The following PCDH1 variants were observed in gnomAD, a reference collection of about 807,000 sequenced individuals.
PCDH1 encodes protocadherin-1.
PCDH1 carries 23 observed loss-of-function variants against 74.6 expected under a neutral mutation model. The ratio of observed to expected loss-of-function variants is 0.31; its 90% CI spans 0.22 to 0.44. The LOEUF (loss-of-function observed/expected upper bound fraction) is 0.44, where lower values mean the gene tolerates loss of function less well. Ranked by LOEUF, PCDH1 falls within the 20% of genes least tolerant of loss-of-function variation. The pLI is 1.00. For synonymous variants in PCDH1, 647 were observed against 686.1 expected, an observed-to-expected ratio of 0.94 and a Z score of 0.89; for missense variants, 1,214 against 1,641.4, an observed-to-expected ratio of 0.74 and a Z score of 4.50.
rs186752735 is a variant in PCDH1, at chr5:141,872,849, G to A, written c.41-3418C>T. 5.9e-3 allele frequency among the ~76,000 whole-genome samples: 897 copies of A among 152,316 alleles called. 10 individuals carry two copies. Among genetic ancestry groups the A allele is most frequent in the African/African-American group, 0.02 (847 of 41,558 alleles). On this transcript the variant is annotated intron_variant, in intron 1 of 4. Coordinates refer to ENST00000287008, the MANE Select transcript of PCDH1 (RefSeq NM_032420.5). ...CAGCTCAAGGAAGGTATGGGATGGC[G>A]GGGCTGGGGAAAGGTCCCAGAAAGT... is the stretch of plus-strand genomic sequence containing the variant.
intron 1 of PCDH1, among the ~76,000 whole-genome samples, chr5:141,877,790 G>C (rs1322786779): frequency 6.6e-6 from 1 of 152,200 alleles, no homozygotes; most frequent in East Asian, 1.9e-4. Flanking sequence ...GGCTGAGTGA[G>C]CCGAGGTAGT....
rs375906339 is a variant in PCDH1 at position 141,864,444 on chromosome 5, A to G, written c.1887T>C (p.Ser629=). The part of the protein sequence containing the change: ...FSVMENMPAL[S]PVGMVTVIDG... ...CAATGACAGTCACCATGCCCACTGGACTCAGTGCTGGCATGTTCTCCATCA... is the reference window on the plus strand; with the variant it reads ...CAATGACAGTCACCATGCCCACTGGGCTCAGTGCTGGCATGTTCTCCATCA... The change falls in exon 3 of 5, where the codon AGT becomes AGC. Residue 629 remains serine, a synonymous_variant. Transcript: ENST00000287008. The surrounding 1 kb of genome is among the most constrained non-coding windows in gnomAD (Gnocchi z 5.9). The G allele has an allele frequency of 1.2e-6, 2 of 1,613,942 alleles. No homozygotes were observed. Among genetic ancestry groups the G allele is most frequent in the African/African-American group, 2.7e-5 (2 of 74,954 alleles).
chr5:141,854,597 T>G (rs1258294224), intron 4 of PCDH1, among the ~76,000 whole-genome samples, 161 bp from the exon 5 acceptor site: 1 of 152,018 alleles, frequency 6.6e-6, no homozygotes. Flanking sequence ...AAGAGACACA[T>G]GCCCTCCCAC....
rs368562035 is a variant in PCDH1 at position 141,863,251 on chromosome 5, G to A, written c.3080C>T (p.Pro1027Leu). The change falls in exon 3 of 5, where the codon CCC (proline) becomes CTC (leucine). Residue 1027 changes from proline (P) to leucine (L), a missense_variant. Coordinates refer to ENST00000287008, the MANE Select transcript of PCDH1 (RefSeq NM_032420.5). The surrounding 1 kb of genome is among the most constrained non-coding windows in gnomAD (Gnocchi z 7.5). ...YSDYSYRTNPPKYPSKQLPHR... is the reference protein window; with the variant it reads ...YSDYSYRTNPLKYPSKQLPHR... ...GCCTACCTGCTTGCTGGGGTATTTG[G>A]GGGGGTTGGTGCGGTAGCTGTAGTC... is the stretch of plus-strand genomic sequence containing the variant. The A allele has an allele frequency of 1.6e-5, 26 of 1,593,322 alleles. No homozygotes were observed. The highest frequency in any genetic ancestry group is 1.9e-5 in the Non-Finnish European group (22 of 1,169,852).
At chr5:141,857,614 A>G in intron 3 of PCDH1, 143 bp from the exon 4 acceptor site, 1 of 640,114 alleles carries the variant, frequency 1.6e-6, no homozygotes, top group Non-Finnish European at 2.6e-6. Flanking sequence ...AGCACAGCAC[A>G]TTCCTCCCGA....
At chr5:141,855,494 C>A (rs1242324641) in intron 4 of PCDH1, among the ~76,000 whole-genome samples, 1 of 152,150 alleles carries the variant, frequency 6.6e-6, no homozygotes, top group East Asian at 1.9e-4. Flanking sequence ...CTCTCCCTCT[C>A]ACACACACAG....
chr5:141,854,202 A>G lies in PCDH1; in HGVS notation c.3554T>C (p.Val1185Ala). Residue 1185 changes from valine (V) to alanine (A), a missense_variant, in exon 5 of 5, where the codon GTG becomes GCG. Val to Ala is a moderately conservative substitution (Grantham distance 64, BLOSUM62 0). This residue lies in a region of PCDH1 where 194 missense variants were observed against 198.3 expected (regional missense o/e 0.98). Coordinates refer to ENST00000287008, the MANE Select transcript of PCDH1 (RefSeq NM_032420.5). Reference protein sequence around the residue: ...PEDRNTKTAPVRLLPSYSAFS... With the variant: ...PEDRNTKTAPARLLPSYSAFS... ...GGCACTGTAGGAGGGCAGGAGGCGC[A>G]CGGGGGCCGTTTTGGTGTTCCGGTC... 6.2e-7 allele frequency: 1 copy of G among 1,610,392 alleles called. No individual in the cohort carries two copies. Among genetic ancestry groups the G allele is most frequent in the Non-Finnish European group, 8.5e-7 (1 of 1,177,742 alleles).
rs772990380 is a variant in PCDH1 at position 141,868,974 on chromosome 5, G to T, written c.498C>A (p.Pro166=). 1.9e-5 allele frequency: 30 copies of T among 1,614,110 alleles called. No individual in the cohort carries two copies. In the African/African-American group the frequency reaches 3.7e-4, roughly 20 times the overall value. ...GAGTGATGACTGGTGAGGCGAAGTT[G>T]GGTGTGTTGTCATTGATGTCTTGTA... The part of the protein sequence containing the change: ...IEVQDINDNT[P]NFASPVITLA... Residue 166 remains proline, a synonymous_variant, in exon 2 of 5, where the codon CCC becomes CCA. Coordinates refer to ENST00000287008, the MANE Select transcript of PCDH1 (RefSeq NM_032420.5). The surrounding 1 kb of genome is among the most constrained non-coding windows in gnomAD (Gnocchi z 4.8).
rs770051024 is a variant in PCDH1, at chr5:141,863,337, T to C, written c.2994A>G (p.Pro998=). ...SKKHQVVQDL[P]PANTFVGTGD... ...CGGTGCCCACGAATGTGTTTGCAGG[T>C]GGCAGGTCCTGTACCACCTGGTGCT... The change falls in exon 3 of 5, where the codon CCA becomes CCG. Residue 998 remains proline (P), a synonymous_variant. Coordinates refer to ENST00000287008, the MANE Select transcript of PCDH1 (RefSeq NM_032420.5). This position sits in a 1 kb window ranked among gnomAD's most constrained non-coding sequence, Gnocchi z 7.5. The C allele has an allele frequency of 1.3e-6, 2 of 1,545,718 alleles. No homozygotes were observed. Among genetic ancestry groups the C allele is most frequent in the Admixed American group, 3.9e-5 (2 of 51,318 alleles).
chr5:141,869,172 G>A lies in PCDH1; in HGVS notation c.300C>T (p.Arg100=), dbSNP rs369703826. Residue 100 remains arginine, a synonymous_variant, in exon 2 of 5, where the codon CGC becomes CGT. Coordinates refer to ENST00000287008, the MANE Select transcript of PCDH1 (RefSeq NM_032420.5). The surrounding 1 kb of genome is among the most constrained non-coding windows in gnomAD (Gnocchi z 4.9). The stretch of plus-strand genomic sequence containing the variant: ...AAATGTCACCTGTCTTGCCATCCAC[G>A]CGAAGGTACGGGGCACCCACCTCTA... ...YKLEVGAPYL[R]VDGKTGDIFT... is the part of the protein sequence containing the mutation. 78 of 1,613,968 alleles carry A rather than the reference G, an allele frequency of 4.8e-5. No individual in the cohort carries two copies. The highest frequency in any genetic ancestry group is 3.3e-4 in the Middle Eastern group (2 of 6,060).
At chr5:141,861,910 G>A (rs1045904077) in intron 3 of PCDH1, among the ~76,000 whole-genome samples, 3 of 152,160 alleles carry the variant, frequency 2.0e-5, no homozygotes, top group Non-Finnish European at 4.4e-5. Context: ...AGCAAGGAGT[G>A]GAAAGTGGGG....
intron 1 of PCDH1, among the ~76,000 whole-genome samples, chr5:141,873,533 G>A (rs1206235875): frequency 2.7e-5 from 4 of 148,122 alleles, no homozygotes; most frequent in East Asian, 2.0e-4. Context: ...TGCAAGCTCC[G>A]CCTGCCAGGT....
intron 2 of PCDH1, chr5:141,867,668 G>A (rs1005419759): frequency 6.9e-6 from 3 of 437,936 alleles, no homozygotes; most frequent in East Asian, 1.4e-4. Context: ...TTTGGCTTGA[G>A]GACCCAGGAC....
chr5:141,878,353 T>C lies in PCDH1; in HGVS notation c.-91A>G, dbSNP rs1168102986. 2.5e-5 allele frequency: 25 copies of C among 1,001,166 alleles called. No homozygotes were observed. Among genetic ancestry groups the C allele is most frequent in the Non-Finnish European group, 3.0e-5 (24 of 795,824 alleles). The allele number at this position is 1,001,166 out of a possible 1,614,324, so 62.0% of individuals were successfully genotyped here. A position where few individuals can be genotyped will look rare whatever the true frequency, so the allele number is the denominator to read the frequency against. On this transcript the variant is annotated 5_prime_UTR_variant, in exon 1 of 5. Coordinates refer to ENST00000287008, the MANE Select transcript of PCDH1 (RefSeq NM_032420.5). The surrounding 1 kb of genome is among the most constrained non-coding windows in gnomAD (Gnocchi z 5.5). ...CTCCGGCTCCGGCTCCGGCTGGCTC[T>C]GGGCGCAGCAGCCCGGCGGCTTTGC... is the stretch of plus-strand genomic sequence containing the variant.
chr5:141,866,764 C>T (rs1752857616), intron 2 of PCDH1, among the ~76,000 whole-genome samples: 1 of 152,106 alleles, frequency 6.6e-6, no homozygotes, highest in South Asian at 2.1e-4. Context: ...GGTAAAAATG[C>T]CTGACATTGC....
In PCDH1 at chr5:141,854,362, T is replaced by G. The variant is rs1752246160; in HGVS notation, c.3394A>C (p.Thr1132Pro). 3.1e-6 allele frequency: 5 copies of G among 1,613,658 alleles called. No individual in the cohort carries two copies. The highest frequency in any genetic ancestry group is 4.2e-6 in the Non-Finnish European group (5 of 1,179,990). Residue 1132 changes from threonine to proline, a missense_variant, in exon 5 of 5, where the codon ACA (threonine) becomes CCA (proline). Transcript: ENST00000287008. Reference protein sequence around the residue: ...RECSEFGHSDTCWMPGQSSPS... With the variant: ...RECSEFGHSDPCWMPGQSSPS... ...GATGACTGGCCAGGCATCCAGCATGTGTCAGAGTGGCCAAACTCACTGCAC... is the reference window on the plus strand; with the variant it reads ...GATGACTGGCCAGGCATCCAGCATGGGTCAGAGTGGCCAAACTCACTGCAC...
intron 1 of PCDH1, among the ~76,000 whole-genome samples, chr5:141,877,048 C>T (rs957784411): frequency 6.6e-6 from 1 of 152,214 alleles, no homozygotes. Flanking sequence ...CCCGCTGTGC[C>T]GATATTTACA....
At chr5:141,870,007 G>A (rs549900719) in intron 1 of PCDH1, among the ~76,000 whole-genome samples, 5 of 152,320 alleles carry the variant, frequency 3.3e-5, no homozygotes, top group African/African-American at 1.2e-4. Flanking sequence ...GTTGGCTGGA[G>A]GGAGAGGGGA....
rs144034716 is a variant in PCDH1 at position 141,868,747 on chromosome 5, C to T, written c.725G>A (p.Arg242His). 2.1e-5 allele frequency: 34 copies of T among 1,614,066 alleles called. No homozygotes were observed. Among genetic ancestry groups the T allele is most frequent in the African/African-American group, 5.3e-5 (4 of 74,924 alleles). ...GATGGTGAGGTCATAGGAGTCCCAG[C>T]GCTCACGGTCCAGGTTGCCCATCAC... ...LIVMGNLDRE[R>H]WDSYDLTIKV... The change falls in exon 2 of 5, where the codon CGC becomes CAC. Residue 242 changes from arginine (R) to histidine (H), a missense_variant. Arg to His is a conservative substitution (Grantham distance 29). This residue lies in a region of PCDH1 where 836 missense variants were observed against 1,182.2 expected (regional missense o/e 0.71). Transcript: ENST00000287008. This position sits in a 1 kb window ranked among gnomAD's most constrained non-coding sequence, Gnocchi z 4.8.
Sources: gnomAD v4.1 joint callset for allele counts (sites outside exome capture counted in the v4.1 genomes callset) on GRCh38, gnomAD v4.1.1 for gene constraint, gnomAD v4.1.1 regional missense constraint, Gnocchi (gnomAD v3.1) non-coding constraint, MANE v1.5 for transcripts, NCBI Gene and HGNC (gene_info 2026-07-23, HGNC 2026-07-21) for gene names.